The following OXR1 variants were observed in gnomAD, a reference collection of about 807,000 sequenced individuals.
OXR1 encodes the protein oxidation resistance 1, also known as oxidation resistance protein 1.
A neutral mutation model predicts 104.6 loss-of-function variants in OXR1; 41 were observed. The ratio of observed to expected loss-of-function variants is 0.39; its 90% CI spans 0.31 to 0.51. OXR1 has a LOEUF of 0.51. Ranked by LOEUF, OXR1 falls within the 20% of genes least tolerant of loss-of-function variation. The pLI, the probability that OXR1 is intolerant of heterozygous loss-of-function variation, is 0.77. For missense variants in OXR1, 955 were observed against 1,031.9 expected, an observed-to-expected ratio of 0.93 and a Z score of 1.02; for synonymous variants, 348 against 348.4, an observed-to-expected ratio of 1.00 and a Z score of 0.01.
At chr8:106,435,658 G>A (rs995410982) in intron 2 of OXR1, among the ~76,000 whole-genome samples, 9 of 152,128 alleles carry the variant, frequency 5.9e-5, no homozygotes, top group African/African-American at 2.2e-4. Context: ...TGTGGAAAGT[G>A]GGTACGTTTT....
At chr8:106,744,404 G>T (rs1367987656) in intron 15 of OXR1, among the ~76,000 whole-genome samples, 3 of 152,048 alleles carry the variant, frequency 2.0e-5, no homozygotes, top group East Asian at 1.9e-4. Context: ...ATTAAATGAG[G>T]ATCATTTATA....
Position 106,714,463 on chromosome 8 carries a change from A to G in OXR1, c.1956+478A>G, listed in dbSNP as rs575307639. On this transcript the variant is annotated intron_variant, in intron 11 of 16. Coordinates refer to ENST00000517566, the MANE Select transcript of OXR1 (RefSeq NM_001198533.2). Reference sequence around the variant, plus strand: ...TTTCTATGTTTCAGACCTAAGCATTATCTTGACTTAAATTTTTCAATAATA... The same window carrying G: ...TTTCTATGTTTCAGACCTAAGCATTGTCTTGACTTAAATTTTTCAATAATA... Among the ~76,000 whole-genome samples, 9 of 152,194 alleles carry G rather than the reference A, an allele frequency of 5.9e-5. No homozygotes were observed. The South Asian group carries it at 1.7e-3, about 28-fold the overall frequency.
At chr8:106,433,741 A>G (rs1222138537) in intron 2 of OXR1, among the ~76,000 whole-genome samples, 2 of 152,208 alleles carry the variant, frequency 1.3e-5, no homozygotes, top group African/African-American at 2.4e-5. Flanking sequence ...TATCTAGTCC[A>G]GTTATTTTAA....
Position 106,670,446 on chromosome 8 carries a change from T to C in OXR1, c.221-8764T>C, listed in dbSNP as rs190073899. Among the ~76,000 whole-genome samples the C allele has an allele frequency of 9.9e-4, 150 of 152,266 alleles. 1 individual carries two copies. Among genetic ancestry groups the C allele is most frequent in the African/African-American group, 3.4e-3 (141 of 41,552 alleles). On this transcript the variant is annotated intron_variant, in intron 3 of 16. Coordinates refer to ENST00000517566, the MANE Select transcript of OXR1 (RefSeq NM_001198533.2). ...CACAAAATAGGCACATGACAAGATA[T>C]GTGACACAATAGAGAATAGAAACAG...
intron 2 of OXR1, among the ~76,000 whole-genome samples, chr8:106,409,293 G>A (rs1417585627): frequency 6.6e-6 from 1 of 152,068 alleles, no homozygotes. Context: ...GAGAGGAGGC[G>A]AACTTGGCCT....
intron 3 of OXR1, among the ~76,000 whole-genome samples, chr8:106,534,186 C>T (rs186651503): frequency 5.3e-4 from 80 of 152,262 alleles, no homozygotes; most frequent in Middle Eastern, 6.8e-3. Context: ...TAACGAGATT[C>T]AAGATGATGC....
chr8:106,651,115 T>C (rs1295371192), intron 3 of OXR1, among the ~76,000 whole-genome samples: 4 of 152,206 alleles, frequency 2.6e-5, no homozygotes, highest in Non-Finnish European at 5.9e-5. Flanking sequence ...CCCTCTTTGA[T>C]GATCCTGCAA....
chr8:106,577,610 G>A (rs990473321), intron 3 of OXR1, among the ~76,000 whole-genome samples: 8 of 151,824 alleles, frequency 5.3e-5, no homozygotes, highest in African/African-American at 1.9e-4. Context: ...GGCTGGTCTC[G>A]AACTCCTGAC....
chr8:106,738,992 T>G lies in OXR1; in HGVS notation c.2038-466T>G, dbSNP rs1307149108. Among the ~76,000 whole-genome samples, 3 of 151,846 alleles carry G rather than the reference T, an allele frequency of 2.0e-5. No individual in the cohort carries two copies. The East Asian group carries it at 5.8e-4, about 29-fold the overall frequency. ...TTTTTTATTCTACTATTCTTTACAT[T>G]AAAATTTTGGCACCCAGGAAGTTTT... On this transcript the variant is annotated intron_variant, in intron 12 of 16. Transcript: ENST00000517566.
At chr8:106,398,033 T>C (rs1055643007) in intron 2 of OXR1, among the ~76,000 whole-genome samples, 2 of 152,120 alleles carry the variant, frequency 1.3e-5, no homozygotes, top group African/African-American at 4.8e-5. Context: ...TGCCTTCTCC[T>C]TCACATGGCC....
intron 3 of OXR1, among the ~76,000 whole-genome samples, chr8:106,586,261 T>C (rs1421705234): frequency 6.6e-6 from 1 of 151,896 alleles, no homozygotes; most frequent in Non-Finnish European, 1.5e-5. Context: ...ACTTTAAAGA[T>C]AGAGCGGACA....
chr8:106,609,530 C>T (rs1483594165), intron 3 of OXR1, among the ~76,000 whole-genome samples: 1 of 152,128 alleles, frequency 6.6e-6, no homozygotes, highest in East Asian at 1.9e-4. Context: ...AACTATTCTA[C>T]ATAGGTCTTA....
At chr8:106,610,828 GT>G in intron 3 of OXR1, among the ~76,000 whole-genome samples, 1 of 152,274 alleles carries the variant, frequency 6.6e-6, no homozygotes, top group South Asian at 2.1e-4. Context: ...TTAAAATAAA[GT>G]AATAAGATTC....
chr8:106,524,235 T>C (rs539773450), intron 3 of OXR1, among the ~76,000 whole-genome samples: 1 of 152,212 alleles, frequency 6.6e-6, no homozygotes, highest in Non-Finnish European at 1.5e-5. Flanking sequence ...GATAATCAGC[T>C]TATTTCACTA....
In OXR1 at chr8:106,568,823, A is replaced by C. The variant is rs1817262463; in HGVS notation, c.220+49684A>C. Among the ~76,000 whole-genome samples, 2 of 152,164 alleles carry C rather than the reference A, an allele frequency of 1.3e-5. 1 individual carries two copies. Among genetic ancestry groups the C allele is most frequent in the South Asian group, 4.1e-4 (2 of 4,838 alleles). ...ATACTAGAAAATAAATAAATGTAAGACATTAAGCATAAACACACCGTCCAG... is the reference window on the plus strand; with the variant it reads ...ATACTAGAAAATAAATAAATGTAAGCCATTAAGCATAAACACACCGTCCAG... On this transcript the variant is annotated intron_variant, in intron 3 of 16. Transcript: ENST00000517566.
intron 2 of OXR1, among the ~76,000 whole-genome samples, chr8:106,403,098 T>C (rs1216879364): frequency 1.3e-5 from 2 of 152,310 alleles, no homozygotes; most frequent in East Asian, 3.9e-4. Context: ...CCTGATTCTT[T>C]AAAGTGGCTC....
intron 3 of OXR1, among the ~76,000 whole-genome samples, chr8:106,620,851 G>A (rs1334196121): frequency 6.6e-6 from 1 of 152,100 alleles, no homozygotes; most frequent in Admixed American, 6.6e-5. Context: ...AATGAAATGT[G>A]TATGACAGTA....
At chr8:106,489,296 G>A (rs1810919228) in intron 2 of OXR1, among the ~76,000 whole-genome samples, 1 of 152,142 alleles carries the variant, frequency 6.6e-6, no homozygotes, top group African/African-American at 2.4e-5. Context: ...CTTTGCTGAA[G>A]TTGCTTAACC....
In OXR1 at chr8:106,395,549, A is replaced by G. The variant is rs543212731; in HGVS notation, c.23+35913A>G. Among the ~76,000 whole-genome samples the G allele has an allele frequency of 7.2e-5, 11 of 152,240 alleles. No individual in the cohort carries two copies. In the South Asian group the frequency reaches 2.3e-3, roughly 32 times the overall value. ...GGGAAAGACTGGCCCCCATAATTCA[A>G]TCACCTCCTCCTGGGTCCTTCCCAC... is the stretch of plus-strand genomic sequence containing the variant. On this transcript the variant is annotated intron_variant, in intron 2 of 16. Transcript: ENST00000517566.
Sources: gnomAD v4.1 joint callset for allele counts (sites outside exome capture counted in the v4.1 genomes callset) on GRCh38, gnomAD v4.1.1 for gene constraint, MANE v1.5 for transcripts, NCBI Gene and HGNC (gene_info 2026-07-23, HGNC 2026-07-21) for gene names.